Variants in SPOCK3 observed in about 807,000 individuals in gnomAD.
SPOCK3 encodes the protein testican-3.
Under a neutral mutation model 56.6 loss-of-function variants are expected in SPOCK3, and 30 were observed. The observed-to-expected ratio is 0.53, with a 90% confidence interval of 0.40 to 0.72. The LOEUF is 0.72. SPOCK3 is among the 30% of genes least tolerant of loss of function. The pLI is 0.00. For missense variants in SPOCK3, 527 were observed against 530.0 expected (o/e 0.99, Z 0.06); for synonymous variants, 196 against 183.3 (o/e 1.07, Z -0.56).
At chr4:167,000,521 T>C (rs372992370) in intron 3 of SPOCK3, 58 bp from the exon 4 acceptor site, 2 of 809,116 alleles carry the variant, frequency 2.5e-6, no homozygotes, top group East Asian at 2.6e-5. Context: ...AGGTATCAAA[T>C]CCCATCAAAC....
intron 5 of SPOCK3, among the ~76,000 whole-genome samples, chr4:166,902,219 G>A (rs1449473444): frequency 1.3e-5 from 2 of 152,110 alleles, no homozygotes; most frequent in Non-Finnish European, 2.9e-5. Context: ...TTGCTGAGAT[G>A]CTTTTTGTTG....
intron 2 of SPOCK3, among the ~76,000 whole-genome samples, chr4:167,214,287 A>C (rs10003880): frequency 0.17 from 25,148 of 152,092 alleles, 2,326 homozygotes; most frequent in African/African-American, 0.24. Flanking sequence ...CTATAAAAAT[A>C]TTTGTCGTTA....
intron 6 of SPOCK3, among the ~76,000 whole-genome samples, chr4:166,866,269 C>T (rs1257170472): frequency 1.3e-5 from 2 of 152,098 alleles, no homozygotes; most frequent in African/African-American, 4.8e-5. Context: ...ACACCTTATA[C>T]AAAAATTATC....
chr4:166,944,009 T>C (rs1043322382), intron 4 of SPOCK3, among the ~76,000 whole-genome samples: 2 of 152,056 alleles, frequency 1.3e-5, no homozygotes, highest in African/African-American at 4.8e-5. Flanking sequence ...TAGCCGAGCA[T>C]AGTGGCCCAT....
intron 2 of SPOCK3, among the ~76,000 whole-genome samples, chr4:167,162,613 T>C (rs1244740296): frequency 6.6e-6 from 1 of 152,018 alleles, no homozygotes; most frequent in Non-Finnish European, 1.5e-5. Flanking sequence ...GTATACATTA[T>C]TACCTATCAC....
chr4:167,089,330 G>A (rs1318316043), intron 2 of SPOCK3, among the ~76,000 whole-genome samples: 1 of 152,122 alleles, frequency 6.6e-6, no homozygotes, highest in Admixed American at 6.6e-5. Context: ...CCCAGAGGAA[G>A]TGGCATGAGT....
intron 5 of SPOCK3, among the ~76,000 whole-genome samples, chr4:166,891,361 T>A (rs1012788581): frequency 6.6e-6 from 1 of 152,014 alleles, no homozygotes; most frequent in Non-Finnish European, 1.5e-5. Context: ...AAGCACCGAA[T>A]GCACCCAATA....
chr4:166,924,755 T>C (rs1738886584), intron 4 of SPOCK3, among the ~76,000 whole-genome samples: 1 of 152,158 alleles, frequency 6.6e-6, no homozygotes, highest in African/African-American at 2.4e-5. Flanking sequence ...CATGGTTAAA[T>C]TAAACCGACC....
At chr4:166,907,039 A>T (rs1736701074) in intron 5 of SPOCK3, among the ~76,000 whole-genome samples, 1 of 152,052 alleles carries the variant, frequency 6.6e-6, no homozygotes, top group Non-Finnish European at 1.5e-5. Flanking sequence ...TAAATGTTTG[A>T]TTTATATATA....
chr4:166,897,397 G>C (rs538813906), intron 5 of SPOCK3, among the ~76,000 whole-genome samples: 13 of 152,268 alleles, frequency 8.5e-5, no homozygotes, highest in Non-Finnish European at 1.6e-4. Context: ...CTAGAAGAGA[G>C]AGGAGGGTTT....
chr4:167,159,568 C>T (rs998643126), intron 2 of SPOCK3, among the ~76,000 whole-genome samples: 1 of 152,042 alleles, frequency 6.6e-6, no homozygotes, highest in African/African-American at 2.4e-5. Flanking sequence ...GATACCAAAG[C>T]CGGGCAGAGA....
chr4:166,945,754 G>C (rs2150024617), intron 4 of SPOCK3, among the ~76,000 whole-genome samples: 1 of 152,290 alleles, frequency 6.6e-6, no homozygotes, highest in East Asian at 1.9e-4. Flanking sequence ...AGGAGTTCCT[G>C]GGTAAACACA....
At chr4:167,065,725 G>A (rs1756059703) in intron 2 of SPOCK3, among the ~76,000 whole-genome samples, 1 of 151,806 alleles carries the variant, frequency 6.6e-6, no homozygotes, top group African/African-American at 2.4e-5. Flanking sequence ...TAAATCTTAG[G>A]AATTTTGCCA....
chr4:166,752,565 TATATATATACACACACAC>T (rs147187682), intron 8 of SPOCK3, among the ~76,000 whole-genome samples: 19,745 of 101,190 alleles, frequency 0.2, 1,782 homozygotes, highest in Non-Finnish European at 0.24. Flanking sequence ...TATATATATA[TATATATATACACACACAC>T]ACACACACAC....
chr4:167,190,601 A>C lies in SPOCK3; in HGVS notation c.189+43384T>G, dbSNP rs181341172. 2.7e-5 allele frequency among the ~76,000 whole-genome samples: 4 copies of C among 145,826 alleles called. 1 individual carries two copies. The East Asian group carries it at 8.3e-4, about 30-fold the overall frequency. ...TTGATTATTTGCTTTGCGATGAAGA[A>C]GCTTTTTATTCTGATGTAGTCTCAC... On this transcript the variant is annotated intron_variant, in intron 2 of 10. Coordinates refer to ENST00000357545, the MANE Select transcript of SPOCK3 (RefSeq NM_001040159.2).
At chr4:167,009,925 T>C (rs554858960) in intron 3 of SPOCK3, among the ~76,000 whole-genome samples, 4 of 152,158 alleles carry the variant, frequency 2.6e-5, no homozygotes, top group African/African-American at 7.2e-5. Context: ...ACAGACTTTC[T>C]AGAAATTAAA....
chr4:167,214,388 A>G (rs1468341872), intron 2 of SPOCK3, among the ~76,000 whole-genome samples: 1 of 152,144 alleles, frequency 6.6e-6, no homozygotes, highest in Non-Finnish European at 1.5e-5. Flanking sequence ...GCATAACACT[A>G]TAACATTATC....
intron 4 of SPOCK3, among the ~76,000 whole-genome samples, chr4:166,991,566 C>T (rs1747794657): frequency 6.6e-6 from 1 of 151,864 alleles, no homozygotes; most frequent in African/African-American, 2.4e-5. Context: ...CACAGGGTTT[C>T]ACCATATTGG....
chr4:167,069,573 C>A (rs1756477584), intron 2 of SPOCK3, among the ~76,000 whole-genome samples: 1 of 151,696 alleles, frequency 6.6e-6, no homozygotes, highest in South Asian at 2.1e-4. Context: ...GTCTCCAGGC[C>A]ATACAATTAG....
Sources: allele counts gnomAD v4.1 joint callset (sites outside exome capture counted in the v4.1 genomes callset), GRCh38; gene constraint gnomAD v4.1.1; transcripts MANE v1.5; gene names NCBI Gene and HGNC (gene_info 2026-07-23, HGNC 2026-07-21).